Variants in BICC1 observed in about 807,000 individuals in gnomAD.
BICC1 encodes the protein protein bicaudal C homolog 1.
BICC1 carries 43 observed loss-of-function variants against 111.0 expected under a neutral mutation model. The observed-to-expected ratio is 0.39, with a 90% CI of 0.30 to 0.50. The LOEUF (loss-of-function observed/expected upper bound fraction) is 0.50, where lower values mean the gene tolerates loss of function less well. BICC1 is among the 20% of genes least tolerant of loss of function. The pLI is 0.88. For synonymous variants in BICC1, 467 were observed against 434.4 expected, an observed-to-expected ratio of 1.07 and a Z score of -0.93; for missense variants, 1,091 against 1,203.2, an observed-to-expected ratio of 0.91 and a Z score of 1.38.
At position 58,632,735 on chromosome 10, in the gene BICC1, G is replaced by A. The variant is rs555139181; in HGVS notation, c.237+11834G>A. On this transcript the variant is annotated intron_variant, in intron 2 of 20. Transcript: ENST00000373886. The stretch of plus-strand genomic sequence containing the variant: ...GAATGTCCTAATGGAGACAAAATAG[G>A]CATTTCCAGCAGAAAGAACCAACTG... 6.8e-4 allele frequency among the ~76,000 whole-genome samples: 104 copies of A among 152,236 alleles called. 1 individual carries two copies. The highest frequency in any genetic ancestry group is 2.4e-3 in the African/African-American group (101 of 41,550).
At chr10:58,524,281 G>T (rs896091044) in intron 1 of BICC1, among the ~76,000 whole-genome samples, 34 of 152,186 alleles carry the variant, frequency 2.2e-4, no homozygotes, top group African/African-American at 7.5e-4. Flanking sequence ...GAGGCACCAC[G>T]CTACCTGACT....
In BICC1 at chr10:58,796,365, G is replaced by A. The variant is rs777626162; in HGVS notation, c.1205G>A (p.Arg402Gln). 6.8e-6 allele frequency: 11 copies of A among 1,613,630 alleles called. No individual in the cohort carries two copies. The highest frequency in any genetic ancestry group is 1.3e-5 in the African/African-American group (1 of 74,820). ...SKSVIVKSVE[R>Q]NALNMYEARK... ...TCTGTGATTGTGAAAAGTGTTGAGC[G>A]AAATGCCTTAAATATGTATGAAGCA... Residue 402 changes from arginine to glutamine, a missense_variant, in exon 10 of 21, where the codon CGA (arginine) becomes CAA (glutamine). Transcript: ENST00000373886.
At chr10:58,559,818 A>G (rs1054838910) in intron 1 of BICC1, among the ~76,000 whole-genome samples, 1 of 152,042 alleles carries the variant, frequency 6.6e-6, no homozygotes, top group African/African-American at 2.4e-5. Context: ...ATTTTATCAA[A>G]TGCTTTTTCT....
At chr10:58,542,168 A>C (rs866401666) in intron 1 of BICC1, among the ~76,000 whole-genome samples, 1,620 of 128,994 alleles carry the variant, frequency 0.013, 24 homozygotes, top group African/African-American at 0.055. Flanking sequence ...AAAAAAAAAC[A>C]AAAAAAAAAA....
At chr10:58,705,483 T>C (rs1840361710) in intron 3 of BICC1, among the ~76,000 whole-genome samples, 1 of 152,220 alleles carries the variant, frequency 6.6e-6, no homozygotes, top group Non-Finnish European at 1.5e-5. Context: ...AAATGTTGGA[T>C]AAAAGACCAT....
At chr10:58,655,946 G>T (rs369959858) in intron 2 of BICC1, among the ~76,000 whole-genome samples, 1 of 151,876 alleles carries the variant, frequency 6.6e-6, no homozygotes, top group Non-Finnish European at 1.5e-5. Context: ...TTGATAGACC[G>T]CTAGCAAGAC....
chr10:58,646,783 C>T (rs1402116576), intron 2 of BICC1, among the ~76,000 whole-genome samples: 1 of 42,344 alleles, frequency 2.4e-5, no homozygotes, highest in Non-Finnish European at 4.9e-5. Flanking sequence ...TCTTTCTTGC[C>T]TGTTCCTGAT....
intron 1 of BICC1, among the ~76,000 whole-genome samples, chr10:58,551,470 C>A (rs1843293309): frequency 1.3e-5 from 2 of 152,092 alleles, no homozygotes; most frequent in Non-Finnish European, 2.9e-5. Flanking sequence ...CATTACCTTA[C>A]ATACTTAATT....
chr10:58,528,302 GT>G (rs887834301), intron 1 of BICC1, among the ~76,000 whole-genome samples: 1 of 151,836 alleles, frequency 6.6e-6, no homozygotes, highest in Non-Finnish European at 1.5e-5. Context: ...TATGTAGAAT[GT>G]TTTACTGTTA....
At position 58,525,867 on chromosome 10, in the gene BICC1, A is replaced by C. The variant is rs185572848; in HGVS notation, c.190+12534A>C. Among the ~76,000 whole-genome samples the C allele has an allele frequency of 3.4e-3, 520 of 151,456 alleles. 2 individuals carry two copies. The highest frequency in any genetic ancestry group is 4.8e-3 in the Non-Finnish European group (328 of 67,952). ...TTACTGCTTTGTATTCAGTATTTTA[A>C]TCTATTAAATGTTTTCTGTATTTCT... is the stretch of plus-strand genomic sequence containing the variant. On this transcript the variant is annotated intron_variant, in intron 1 of 20. Coordinates refer to ENST00000373886, the MANE Select transcript of BICC1 (RefSeq NM_001080512.3).
At chr10:58,713,193 G>A (rs1840633222) in intron 3 of BICC1, among the ~76,000 whole-genome samples, 1 of 152,154 alleles carries the variant, frequency 6.6e-6, no homozygotes, top group Admixed American at 6.5e-5. Flanking sequence ...CGACTGGACT[G>A]GGTCTGGATT....
At chr10:58,541,184 G>A (rs1480616399) in intron 1 of BICC1, among the ~76,000 whole-genome samples, 1 of 151,892 alleles carries the variant, frequency 6.6e-6, no homozygotes, top group Non-Finnish European at 1.5e-5. Flanking sequence ...ATTCAACATT[G>A]TATTAAAAAT....
intron 1 of BICC1, among the ~76,000 whole-genome samples, chr10:58,588,449 G>A (rs1844498813): frequency 1.3e-5 from 2 of 152,212 alleles, no homozygotes; most frequent in African/African-American, 4.8e-5. Context: ...TGGCAGTGAT[G>A]TGAAGGTTGA....
At chr10:58,794,165 TTGTGTGTGTGTGTGTGTGTGTGTGTG>T (rs71006206) in intron 9 of BICC1, among the ~76,000 whole-genome samples, 4 of 138,228 alleles carry the variant, frequency 2.9e-5, no homozygotes, top group African/African-American at 5.4e-5. Flanking sequence ...CTTACATGTT[TTGTGTGTGTGTGTGTGTGTGTGTGTG>T]TGTGTGTGTG....
chr10:58,776,502 G>A (rs1490843836), intron 3 of BICC1, among the ~76,000 whole-genome samples: 1 of 152,178 alleles, frequency 6.6e-6, no homozygotes, highest in Non-Finnish European at 1.5e-5. Context: ...AATTTCCTGG[G>A]GATGCTTTAT....
chr10:58,544,844 G>T (rs184089961), intron 1 of BICC1, among the ~76,000 whole-genome samples: 1 of 152,192 alleles, frequency 6.6e-6, no homozygotes, highest in African/African-American at 2.4e-5. Flanking sequence ...TTTTGCGGCG[G>T]TAATCAAGTT....
chr10:58,588,531 C>A (rs547298802), intron 1 of BICC1, among the ~76,000 whole-genome samples: 2 of 152,250 alleles, frequency 1.3e-5, no homozygotes, highest in African/African-American at 4.8e-5. Flanking sequence ...CAGCTTAGAT[C>A]TCTACTGCAT....
intron 1 of BICC1, among the ~76,000 whole-genome samples, chr10:58,537,104 G>A (rs1842845402): frequency 6.6e-6 from 1 of 151,498 alleles, no homozygotes; most frequent in Non-Finnish European, 1.5e-5. Flanking sequence ...AAAAGCCCAG[G>A]GCATATGGAT....
At chr10:58,519,042 C>G (rs1288778021) in intron 1 of BICC1, among the ~76,000 whole-genome samples, 2 of 152,118 alleles carry the variant, frequency 1.3e-5, no homozygotes, top group Admixed American at 6.5e-5. Flanking sequence ...TTAAACAAGC[C>G]AGGGGTTTGT....
Sources: allele counts gnomAD v4.1 joint callset (sites outside exome capture counted in the v4.1 genomes callset), GRCh38; gene constraint gnomAD v4.1.1; transcripts MANE v1.5; gene names NCBI Gene and HGNC (gene_info 2026-07-23, HGNC 2026-07-21).